CPEB3: variants seen among roughly 807,000 people sequenced by gnomAD.
The protein encoded by CPEB3 is cytoplasmic polyadenylation element binding protein 3, also known as cytoplasmic polyadenylation element-binding protein 3.
Under a neutral mutation model 67.2 loss-of-function variants are expected in CPEB3, and 20 were observed. That is an observed-to-expected ratio of 0.30 (90% CI 0.21 to 0.43). CPEB3 has a LOEUF of 0.43. Among genes scored for constraint, CPEB3 ranks in the 20% least tolerant of loss-of-function variants. The pLI, the probability that CPEB3 is intolerant of heterozygous loss-of-function variation, is 1.00. For missense variants in CPEB3, 746 were observed against 968.6 expected (o/e 0.77, Z 3.05); for synonymous variants, 376 against 393.1 (o/e 0.96, Z 0.51).
At chr10:92,272,520 C>G (rs1332814322) in intron 1 of CPEB3, among the ~76,000 whole-genome samples, 2 of 152,104 alleles carry the variant, frequency 1.3e-5, no homozygotes, top group Admixed American at 6.6e-5. Flanking sequence ...TCTATAAACT[C>G]AAGAGTGTGT....
At chr10:92,114,579 G>A (rs1844911268) in intron 6 of CPEB3, among the ~76,000 whole-genome samples, 1 of 152,208 alleles carries the variant, frequency 6.6e-6, no homozygotes, top group South Asian at 2.1e-4. Flanking sequence ...GATTTACTAT[G>A]CACCAGACAC....
At chr10:92,156,488 A>G (rs568777369) in intron 4 of CPEB3, among the ~76,000 whole-genome samples, 34 of 152,298 alleles carry the variant, frequency 2.2e-4, no homozygotes, top group African/African-American at 7.9e-4. Flanking sequence ...GGCCTGAGAA[A>G]ACTAGAGGGA....
intron 4 of CPEB3, among the ~76,000 whole-genome samples, chr10:92,165,403 CT>C (rs34205234): frequency 6.6e-5 from 8 of 121,478 alleles, no homozygotes; most frequent in Non-Finnish European, 9.6e-5. Context: ...CTTTTTTCTT[CT>C]TTTTTTTTTT....
At chr10:92,190,523 G>A (rs558331535) in intron 3 of CPEB3, among the ~76,000 whole-genome samples, 6 of 151,570 alleles carry the variant, frequency 4.0e-5, no homozygotes, top group African/African-American at 1.5e-4. Flanking sequence ...AAATTAGCTG[G>A]GTGTAGTGGC....
intron 9 of CPEB3, among the ~76,000 whole-genome samples, chr10:92,064,607 G>A (rs918600367): frequency 6.6e-6 from 1 of 152,186 alleles, no homozygotes; most frequent in African/African-American, 2.4e-5. Context: ...CTCTGGGTAA[G>A]AAACCTCAAC....
chr10:92,230,956 G>C (rs1417092293), intron 2 of CPEB3, among the ~76,000 whole-genome samples: 2 of 152,206 alleles, frequency 1.3e-5, no homozygotes, highest in Non-Finnish European at 2.9e-5. Flanking sequence ...ATGGTGGTAA[G>C]GAGATTCAAA....
At chr10:92,067,250 C>T (rs1039230569) in intron 9 of CPEB3, among the ~76,000 whole-genome samples, 24 of 152,202 alleles carry the variant, frequency 1.6e-4, no homozygotes, top group Admixed American at 1.6e-3. Context: ...CCTGTAATCA[C>T]AGCACTTTGA....
At chr10:92,204,214 G>T (rs1391972139) in intron 2 of CPEB3, 2 of 152,132 alleles carry the variant, frequency 1.3e-5, no homozygotes, top group Non-Finnish European at 2.9e-5. Flanking sequence ...TGGGTGGTTG[G>T]GTAAGGAGAT....
At chr10:92,180,202 GT>G (rs144433902) in intron 4 of CPEB3, among the ~76,000 whole-genome samples, 33,713 of 152,076 alleles carry the variant, frequency 0.22, 4,692 homozygotes, top group Middle Eastern at 0.34. Context: ...CAGTTAGTAA[GT>G]TTTTGCTGCT....
chr10:92,103,298 A>G (rs543352708), intron 7 of CPEB3, among the ~76,000 whole-genome samples: 4 of 152,378 alleles, frequency 2.6e-5, no homozygotes, highest in African/African-American at 9.6e-5. Flanking sequence ...AAGCATAAAC[A>G]TAATAGCTGA....
intron 8 of CPEB3, 67 bp from the exon 9 acceptor site, chr10:92,081,568 A>G (rs1843154842): frequency 7.2e-7 from 1 of 1,379,578 alleles, no homozygotes; most frequent in African/African-American, 1.4e-5. Context: ...CAGGAGAAGG[A>G]AGAATTATTT....
chr10:92,075,900 T>G (rs1842915640), intron 9 of CPEB3, among the ~76,000 whole-genome samples: 1 of 152,174 alleles, frequency 6.6e-6, no homozygotes, highest in Admixed American at 6.5e-5. Flanking sequence ...ATAAAAGAGA[T>G]AAAGGAGATA....
intron 2 of CPEB3, among the ~76,000 whole-genome samples, chr10:92,238,718 GAGTGTTTATT>G (rs1186180259): frequency 6.6e-6 from 1 of 151,944 alleles, no homozygotes; most frequent in African/African-American, 2.4e-5. Flanking sequence ...ACACAGTAGT[GAGTGTTTATT>G]AGGATCTCAC....
chr10:92,199,408 AAAG>A (rs1350947812), intron 2 of CPEB3, among the ~76,000 whole-genome samples: 1 of 150,724 alleles, frequency 6.6e-6, no homozygotes, highest in East Asian at 1.9e-4. Flanking sequence ...AAAAAAAAAA[AAAG>A]GCCAGGCGCG....
chr10:92,112,691 G>A (rs889579100), intron 6 of CPEB3, among the ~76,000 whole-genome samples: 16 of 152,188 alleles, frequency 1.1e-4, no homozygotes, highest in Non-Finnish European at 8.8e-5. Context: ...GGCCCGTCAT[G>A]AACTAGTCTA....
chr10:92,200,736 C>T (rs1356745308), intron 2 of CPEB3, among the ~76,000 whole-genome samples: 2 of 151,972 alleles, frequency 1.3e-5, no homozygotes. Context: ...GATAGTATCA[C>T]CTGCTCTGAA....
chr10:92,253,463 CAAAAAA>C (rs370091703), intron 1 of CPEB3, among the ~76,000 whole-genome samples: 31 of 76,838 alleles, frequency 4.0e-4, no homozygotes, highest in Admixed American at 8.8e-4. Flanking sequence ...TGTCTCAAAA[CAAAAAA>C]AAAAAAAAAA....
intron 1 of CPEB3, among the ~76,000 whole-genome samples, chr10:92,251,887 G>A (rs1217241692): frequency 6.6e-6 from 1 of 151,094 alleles, no homozygotes; most frequent in African/African-American, 2.4e-5. Flanking sequence ...GTTGCAGTGA[G>A]CCGAGATCAC....
intron 1 of CPEB3, among the ~76,000 whole-genome samples, chr10:92,247,158 A>G (rs1852106111): frequency 1.3e-5 from 2 of 152,178 alleles, no homozygotes; most frequent in South Asian, 4.1e-4. Context: ...ACAAGAACAA[A>G]GCCCTTCTCT....
Sources: allele counts gnomAD v4.1 joint callset (sites outside exome capture counted in the v4.1 genomes callset), GRCh38; gene constraint gnomAD v4.1.1; transcripts MANE v1.5; gene names NCBI Gene and HGNC (gene_info 2026-07-23, HGNC 2026-07-21).